Variants in TPRG1 observed in about 807,000 individuals in gnomAD.
TPRG1 encodes tumor protein p63-regulated gene 1 protein.
TPRG1 carries 29 observed loss-of-function variants against 29.3 expected under a neutral mutation model. The ratio of observed to expected loss-of-function variants is 0.99; its 90% confidence interval spans 0.74 to 1.35. The LOEUF (loss-of-function observed/expected upper bound fraction) is 1.35, where lower values mean the gene tolerates loss of function less well. TPRG1 is among the 40% of genes most tolerant of loss of function. TPRG1 has a pLI of 0.00. For missense variants in TPRG1, 327 were observed against 335.0 expected, an observed-to-expected ratio of 0.98 and a Z score of 0.19; for synonymous variants, 130 against 116.8, an observed-to-expected ratio of 1.11 and a Z score of -0.73.
At chr3:189,280,090 C>G (rs564426225) in intron 4 of TPRG1, among the ~76,000 whole-genome samples, 2 of 152,094 alleles carry the variant, frequency 1.3e-5, no homozygotes, top group South Asian at 2.1e-4. Context: ...TAGACTATCT[C>G]TTTTGTAGCT....
chr3:189,207,328 G>T, intron 1 of TPRG1, 48 bp from the exon 2 acceptor site: 5 of 1,601,366 alleles, frequency 3.1e-6, no homozygotes, highest in Non-Finnish European at 4.3e-6. Flanking sequence ...TAGGACACAG[G>T]TACAGAGGTA....
chr3:189,141,330 TC>T (rs1724526412), intron 3 of TPRG1, among the ~76,000 whole-genome samples: 1 of 151,172 alleles, frequency 6.6e-6, no homozygotes, highest in Non-Finnish European at 1.5e-5. Flanking sequence ...CTTTGGGAGG[TC>T]AGGGGAAAAT....
At chr3:189,100,301 C>A (rs1027193514) in intron 1 of TPRG1, 1 of 152,258 alleles carries the variant, frequency 6.6e-6, no homozygotes, top group Non-Finnish European at 1.5e-5. Context: ...GCCAAATTGC[C>A]TCAGCTGCAT....
At chr3:189,218,721 G>A (rs1736478332) in intron 3 of TPRG1, among the ~76,000 whole-genome samples, 1 of 152,196 alleles carries the variant, frequency 6.6e-6, no homozygotes, top group South Asian at 2.1e-4. Context: ...GTGCCCAAAT[G>A]AAGAACATAT....
intron 4 of TPRG1, among the ~76,000 whole-genome samples, chr3:189,027,885 G>A (rs1196754751): frequency 1.3e-5 from 2 of 152,096 alleles, no homozygotes; most frequent in Non-Finnish European, 2.9e-5. Flanking sequence ...GCCTTGATGT[G>A]AAGGAAAAAC....
At chr3:189,183,897 A>C (rs1466307607) in intron 1 of TPRG1, among the ~76,000 whole-genome samples, 3 of 151,668 alleles carry the variant, frequency 2.0e-5, no homozygotes, top group African/African-American at 7.3e-5. Flanking sequence ...ACGAGATGAC[A>C]GGATTAAGAG....
At chr3:189,162,051 C>T (rs555205717) in intron 5 of TPRG1, among the ~76,000 whole-genome samples, 2 of 152,090 alleles carry the variant, frequency 1.3e-5, no homozygotes, top group South Asian at 2.1e-4. Flanking sequence ...GGAGTGCAGT[C>T]GTGTGATCTT....
chr3:189,095,899 T>C (rs935702450), upstream of TPRG1, among the ~76,000 whole-genome samples: 7 of 152,200 alleles, frequency 4.6e-5, no homozygotes, highest in African/African-American at 1.7e-4. Context: ...GAATGAGACC[T>C]TGGGAGAGGA....
intron 5 of TPRG1, among the ~76,000 whole-genome samples, chr3:189,315,950 G>C (rs1723445634): frequency 6.6e-6 from 1 of 152,222 alleles, no homozygotes; most frequent in African/African-American, 2.4e-5. Context: ...GATGACATTT[G>C]ATATGAAACT....
At chr3:189,064,749 T>G (rs1314858908) in intron 4 of TPRG1, among the ~76,000 whole-genome samples, 1 of 152,106 alleles carries the variant, frequency 6.6e-6, no homozygotes, top group Non-Finnish European at 1.5e-5. Flanking sequence ...GTGAAAAGCT[T>G]TATGTGCTAT....
intron 3 of TPRG1, among the ~76,000 whole-genome samples, chr3:189,022,569 TGAG>T (rs1457951594): frequency 3.3e-5 from 5 of 151,824 alleles, no homozygotes; most frequent in African/African-American, 1.2e-4. Flanking sequence ...GGGACCCACT[TGAG>T]GAGGCAGTCT....
At chr3:189,059,637 A>T (rs374273430) in intron 4 of TPRG1, among the ~76,000 whole-genome samples, 29 of 152,238 alleles carry the variant, frequency 1.9e-4, no homozygotes, top group Non-Finnish European at 3.7e-4. Context: ...AAGGAAAAAA[A>T]AAAGGTCTGT....
intron 3 of TPRG1, among the ~76,000 whole-genome samples, chr3:189,229,944 A>G (rs1224640144): frequency 6.6e-6 from 1 of 152,190 alleles, no homozygotes; most frequent in Non-Finnish European, 1.5e-5. Context: ...AGATGTGTAC[A>G]TTTGTGCTAT....
rs182222467 is a variant in TPRG1 at position 189,011,102 on chromosome 3, T to C, written c.-660+6342T>C. On this transcript the variant is annotated intron_variant, in intron 3 of 10. Transcript: ENST00000433971. ...TGTGTGGTCTCATTTCTGTGTTTTC[T>C]ATTCTGTTAGATTGATCTATATGTC... Among the ~76,000 whole-genome samples the C allele has an allele frequency of 1.1e-3, 166 of 152,312 alleles. 2 individuals are homozygous for C. Among genetic ancestry groups the C allele is most frequent in the African/African-American group, 3.9e-3 (162 of 41,582 alleles).
chr3:189,210,712 C>A (rs1012658531), intron 2 of TPRG1, among the ~76,000 whole-genome samples: 2 of 152,154 alleles, frequency 1.3e-5, no homozygotes, highest in Non-Finnish European at 2.9e-5. Context: ...GAAAATAAGG[C>A]CAAGAGAAGG....
At chr3:189,237,166 T>G (rs1739618755) in intron 3 of TPRG1, among the ~76,000 whole-genome samples, 1 of 152,148 alleles carries the variant, frequency 6.6e-6, no homozygotes, top group African/African-American at 2.4e-5. Flanking sequence ...TGGTGATAAC[T>G]GGAACTTATT....
intron 4 of TPRG1, among the ~76,000 whole-genome samples, chr3:189,037,613 G>A (rs991726463): frequency 5.3e-5 from 8 of 151,540 alleles, no homozygotes; most frequent in Admixed American, 4.6e-4. Context: ...AGTACTAGTG[G>A]GACATAACCA....
At chr3:189,092,442 CTTTTTT>C (rs201972502) in intron 4 of TPRG1, among the ~76,000 whole-genome samples, 4 of 131,376 alleles carry the variant, frequency 3.0e-5, no homozygotes, top group African/African-American at 1.1e-4. Flanking sequence ...TCTGAAATTT[CTTTTTT>C]TTTTTTTTTT....
In TPRG1 at chr3:189,123,017, C is replaced by T. The variant is rs150062795; in HGVS notation, c.-743-4040C>T. 1.1e-3 allele frequency among the ~76,000 whole-genome samples: 170 copies of T among 152,284 alleles called. 1 individual carries two copies. Among genetic ancestry groups the T allele is most frequent in the Non-Finnish European group, 1.9e-3 (128 of 68,022 alleles). On this transcript the variant is annotated intron_variant, in intron 1 of 6. Coordinates refer to the TPRG1 transcript ENST00000412373. ...GTATCAGGGAGAATGAAAGTGAAAA[C>T]GCTCTAATAAATAATAGCTGAAATG...
Sources: allele counts gnomAD v4.1 joint callset (sites outside exome capture counted in the v4.1 genomes callset), GRCh38; gene constraint gnomAD v4.1.1; transcripts MANE v1.5; gene names NCBI Gene and HGNC (gene_info 2026-07-23, HGNC 2026-07-21).